TMEM80: variants seen among roughly 807,000 people sequenced by gnomAD.
TMEM80 encodes transmembrane protein 80.
Under a neutral mutation model 13.6 loss-of-function variants are expected in TMEM80, and 16 were observed. The observed-to-expected ratio is 1.17, with a 90% CI of 0.79 to 1.78. The LOEUF (loss-of-function observed/expected upper bound fraction) is 1.78. Among genes scored for constraint, TMEM80 ranks in the 40% most tolerant of loss-of-function variants. The probability of loss-of-function intolerance (pLI) is 0.00; values close to 1 mark genes in which losing one functional copy is unlikely to be tolerated. For synonymous variants in TMEM80, 92 were observed against 89.5 expected (o/e 1.03, Z -0.16); for missense variants, 167 against 184.6 (o/e 0.90, Z 0.55).
At chr11:704,501 G>T (rs1450954780), downstream of TMEM80, 1 of 1,289,212 alleles carries the variant, frequency 7.8e-7, no homozygotes, top group Non-Finnish European at 1.0e-6. Context: ...GCGCCTGAGC[G>T]CCTCGGGCCA....
At chr11:702,786 T>C (rs938628175) in intron 4 of TMEM80, among the ~76,000 whole-genome samples, 159 bp from the exon 5 acceptor site, 1 of 152,246 alleles carries the variant, frequency 6.6e-6, no homozygotes, top group Non-Finnish European at 1.5e-5. Flanking sequence ...TCCTGAGTTC[T>C]GGGTGGCCAT....
intron 4 of TMEM80, among the ~76,000 whole-genome samples, chr11:701,318 A>G (rs903629220): frequency 3.3e-5 from 5 of 150,192 alleles, no homozygotes; most frequent in African/African-American, 7.4e-5. Flanking sequence ...CCTCCCAAGT[A>G]GCTGGGATTA....
downstream of TMEM80, chr11:704,470 G>A: frequency 7.8e-7 from 1 of 1,289,356 alleles, no homozygotes; most frequent in Non-Finnish European, 1.0e-6. Flanking sequence ...GGACAGCCCT[G>A]AGGACCCACT....
intron 2 of TMEM80, chr11:699,152 C>T (rs1306283638): frequency 6.1e-6 from 3 of 495,590 alleles, no homozygotes; most frequent in Non-Finnish European, 1.1e-5. Flanking sequence ...CCACCTGCCT[C>T]TGTCTCGGCC....
Position 703,822 on chromosome 11 carries a change from G to C in TMEM80, c.*672G>C. The stretch of plus-strand genomic sequence containing the variant: ...CAGGGGCTTCGGAGGAGAGGTCAGG[G>C]CTAAGGCCGGGGATGAGACTGCAGG... On this transcript the variant is annotated 3_prime_UTR_variant, in exon 5 of 5. Coordinates refer to ENST00000397510, the MANE Select transcript of TMEM80 (RefSeq NM_001042463.3). 3 of 1,234,530 alleles carry C rather than the reference G, an allele frequency of 2.4e-6. No individual in the cohort carries two copies. Among genetic ancestry groups the C allele is most frequent in the Non-Finnish European group, 3.0e-6 (3 of 990,004 alleles). 76.5% of individuals were successfully genotyped at this position (1,234,530 alleles called of 1,614,324 possible). A position where few individuals can be genotyped will look rare whatever the true frequency, so the allele number is the denominator to read the frequency against.
rs1861376279 is a variant in TMEM80, at chr11:700,136, C to T, written c.40-6C>T. 5 of 1,613,658 alleles carry T rather than the reference C, an allele frequency of 3.1e-6. No homozygotes were observed. Among genetic ancestry groups the T allele is most frequent in the South Asian group, 2.2e-5 (2 of 91,052 alleles). ...TTGAGCTTGAGGATCCTTAACCACT[C>T]ACCAGCTCTCTTCAGTTCCCCTTCA... is the stretch of plus-strand genomic sequence containing the variant. On this transcript the variant is annotated splice_polypyrimidine_tract_variant and splice_region_variant and intron_variant, in intron 2 of 4. Transcript: ENST00000397510.
At chr11:698,706 C>T (rs566259999) in intron 1 of TMEM80, among the ~76,000 whole-genome samples, 163 bp from the exon 2 acceptor site, 24 of 152,256 alleles carry the variant, frequency 1.6e-4, no homozygotes, top group Admixed American at 1.1e-3. Flanking sequence ...TAGAGAGGCA[C>T]GGGAGCTATC....
chr11:701,598 A>G (rs1279562804), intron 4 of TMEM80, among the ~76,000 whole-genome samples: 2 of 151,594 alleles, frequency 1.3e-5, no homozygotes, highest in Non-Finnish European at 2.9e-5. Context: ...TTTAGTAGAG[A>G]TGGGGTTTCA....
At chr11:699,941 G>A (rs1861368083) in intron 2 of TMEM80, 1 of 561,006 alleles carries the variant, frequency 1.8e-6, no homozygotes, top group Admixed American at 3.1e-5. Context: ...GTCCCACAAA[G>A]GCCTTGTCAG....
downstream of TMEM80, chr11:704,771 C>T: frequency 4.4e-6 from 3 of 679,962 alleles, no homozygotes; most frequent in Non-Finnish European, 6.5e-6. Flanking sequence ...GGACTGTCTC[C>T]TGAGGGCAGG....
chr11:702,411 C>G (rs1305273218), intron 4 of TMEM80, among the ~76,000 whole-genome samples: 1 of 152,232 alleles, frequency 6.6e-6, no homozygotes, highest in Non-Finnish European at 1.5e-5. Context: ...CTGGGGGCTG[C>G]TAGGCCAACG....
intron 4 of TMEM80, among the ~76,000 whole-genome samples, chr11:701,701 G>A (rs1422385021): frequency 7.2e-5 from 11 of 152,020 alleles, no homozygotes; most frequent in East Asian, 1.9e-4. Flanking sequence ...GAGCCACCGC[G>A]CCCGGCCGGA....
At chr11:701,644 C>T (rs1414165862) in intron 4 of TMEM80, among the ~76,000 whole-genome samples, 4 of 152,056 alleles carry the variant, frequency 2.6e-5, no homozygotes, top group Middle Eastern at 3.4e-3. Context: ...CTCCTGACCT[C>T]CTGATCCGCC....
intron 1 of TMEM80, among the ~76,000 whole-genome samples, chr11:696,360 G>A (rs1463875308): frequency 6.6e-6 from 1 of 152,202 alleles, no homozygotes; most frequent in Non-Finnish European, 1.5e-5. Context: ...GCGCTGAAGT[G>A]CCAAACCTTC....
chr11:697,648 G>A (rs1262242826), intron 1 of TMEM80: 1 of 152,190 alleles, frequency 6.6e-6, no homozygotes, highest in African/African-American at 2.4e-5. Flanking sequence ...GAACAGAAGG[G>A]ACAAAAACCC....
chr11:701,289 C>T (rs1337834036), intron 4 of TMEM80, among the ~76,000 whole-genome samples: 2 of 152,108 alleles, frequency 1.3e-5, no homozygotes, highest in African/African-American at 4.8e-5. Flanking sequence ...GAGCGATCCT[C>T]CTGCCTCAGC....
intron 1 of TMEM80, 40 bp downstream of exon 1, chr11:695,886 G>A: frequency 1.6e-6 from 2 of 1,218,910 alleles, no homozygotes; most frequent in Non-Finnish European, 1.0e-6. Context: ...GCTTGCAGCG[G>A]CGGGCGCGGC....
intron 1 of TMEM80, among the ~76,000 whole-genome samples, chr11:696,815 C>T (rs1375077978): frequency 8.1e-5 from 1 of 12,414 alleles, no homozygotes; most frequent in South Asian, 2.9e-3. Flanking sequence ...CGCAGTAGCT[C>T]ACGCCTGTAA....
downstream of TMEM80, chr11:704,889 C>G (rs1246663119): frequency 5.6e-6 from 2 of 356,302 alleles, no homozygotes; most frequent in Non-Finnish European, 1.1e-5. Flanking sequence ...ACTCCCAGCT[C>G]TGCCTCCAGG....
Sources: allele counts gnomAD v4.1 joint callset (sites outside exome capture counted in the v4.1 genomes callset), GRCh38; gene constraint gnomAD v4.1.1; transcripts MANE v1.5; gene names NCBI Gene and HGNC (gene_info 2026-07-23, HGNC 2026-07-21).